The following SUZ12 variants were observed in gnomAD, a reference collection of about 807,000 sequenced individuals.
SUZ12 encodes polycomb protein SUZ12.
Under a neutral mutation model 87.3 loss-of-function variants are expected in SUZ12, and 17 were observed. That is an observed-to-expected ratio of 0.19 (90% CI 0.13 to 0.29). The LOEUF (loss-of-function observed/expected upper bound fraction) is 0.29. Among genes scored for constraint, SUZ12 ranks in the 10% least tolerant of loss-of-function variants. The pLI is 1.00. For missense variants in SUZ12, 526 were observed against 912.2 expected (o/e 0.58, Z 5.45); for synonymous variants, 253 against 312.4 (o/e 0.81, Z 2.01).
At chr17:31,972,148 C>T (rs1908470074) in intron 5 of SUZ12, among the ~76,000 whole-genome samples, 1 of 151,354 alleles carries the variant, frequency 6.6e-6, no homozygotes, top group South Asian at 2.1e-4. Flanking sequence ...AGCTGGGTGT[C>T]CTGGTGCGCA....
rs1004855571 is a variant in SUZ12 at position 31,976,573 on chromosome 17, A to G, written c.876A>G (p.Glu292=). ...ARRKRNREDG[E]KTFVAQMTVF... ...GAAAACGAAATCGTGAGGATGGGGA[A>G]AAGACATTTGTTGCACAAATGACAG... The change falls in exon 8 of 16, where the codon GAA becomes GAG. Residue 292 remains glutamate (E), a synonymous_variant. Coordinates refer to ENST00000322652, the MANE Select transcript of SUZ12 (RefSeq NM_015355.4). 4 of 1,613,314 alleles carry G rather than the reference A, an allele frequency of 2.5e-6. No homozygotes were observed. Among genetic ancestry groups the G allele is most frequent in the East Asian group, 4.5e-5 (2 of 44,828 alleles).
In SUZ12 at chr17:31,999,967, T is replaced by C. The variant is rs1207146237; in HGVS notation, c.*964T>C. ...TTTGTTTGCAAGGATGTCTTTGTAA[T>C]GTGTTTCATGAATAGAATATCCAAT... On this transcript the variant is annotated 3_prime_UTR_variant, in exon 16 of 16. Transcript: ENST00000322652. 9 of 232,702 alleles carry C rather than the reference T, an allele frequency of 3.9e-5. No homozygotes were observed. In the East Asian group the frequency reaches 4.9e-4, roughly 13 times the overall value. 14.4% of individuals were successfully genotyped at this position (232,702 alleles called of 1,614,324 possible).
At chr17:31,985,182 G>A (rs1169974465) in intron 9 of SUZ12, among the ~76,000 whole-genome samples, 1 of 142,638 alleles carries the variant, frequency 7.0e-6, no homozygotes. Flanking sequence ...AAAAAAAAAA[G>A]GTTGATACAG....
intron 4 of SUZ12, among the ~76,000 whole-genome samples, chr17:31,963,148 TATTA>T (rs1416912131): frequency 1.0e-3 from 157 of 151,096 alleles, no homozygotes; most frequent in African/African-American, 3.7e-3. Context: ...TACGATTATT[TATTA>T]TTATTATTTT....
intron 4 of SUZ12, among the ~76,000 whole-genome samples, chr17:31,955,035 G>A (rs1345405700): frequency 6.6e-6 from 1 of 152,150 alleles, no homozygotes; most frequent in Non-Finnish European, 1.5e-5. Context: ...CACCCACACG[G>A]GAGTGCAGTG....
At chr17:31,953,605 A>G (rs775704281) in intron 4 of SUZ12, among the ~76,000 whole-genome samples, 1 of 151,578 alleles carries the variant, frequency 6.6e-6, no homozygotes, top group Admixed American at 6.6e-5. Context: ...TCAGGGTCTC[A>G]TCATCTTGCC....
At chr17:31,996,512 G>A (rs189731412) in intron 14 of SUZ12, among the ~76,000 whole-genome samples, 15 of 152,192 alleles carry the variant, frequency 9.9e-5, no homozygotes, top group African/African-American at 3.6e-4. Flanking sequence ...CCAGCTACTC[G>A]GGAGGCTGAG....
intron 12 of SUZ12, 126 bp from the exon 13 acceptor site, chr17:31,994,438 C>G: frequency 1.2e-6 from 1 of 801,400 alleles, no homozygotes; most frequent in Non-Finnish European, 1.8e-6. Flanking sequence ...GCCTGTTTAC[C>G]ATGCTGGTGT....
chr17:31,985,932 A>T (rs183126617), intron 9 of SUZ12, among the ~76,000 whole-genome samples: 1 of 151,790 alleles, frequency 6.6e-6, no homozygotes, highest in Non-Finnish European at 1.5e-5. Context: ...AAGTACTGGG[A>T]TTACAGGCAT....
chr17:31,995,559 A>G lies in SUZ12; in HGVS notation c.1596-5A>G, dbSNP rs769630205. Reference sequence around the variant, plus strand: ...CATAAATCAACATTTATTTCTTTTCATTAGGCCAAAACGAACAAAAGCAAG... The same window carrying G: ...CATAAATCAACATTTATTTCTTTTCGTTAGGCCAAAACGAACAAAAGCAAG... On this transcript the variant is annotated splice_polypyrimidine_tract_variant and splice_region_variant and intron_variant, in intron 13 of 15. Transcript: ENST00000322652. 8 of 1,613,770 alleles carry G rather than the reference A, an allele frequency of 5.0e-6. No homozygotes were observed. In the South Asian group the frequency reaches 7.7e-5, roughly 16 times the overall value.
intron 5 of SUZ12, among the ~76,000 whole-genome samples, chr17:31,968,922 T>C (rs752436564): frequency 6.6e-6 from 1 of 152,198 alleles, no homozygotes; most frequent in Non-Finnish European, 1.5e-5. Flanking sequence ...CAACAATTGC[T>C]CAGATTTACT....
intron 8 of SUZ12, among the ~76,000 whole-genome samples, chr17:31,979,734 AAC>A (rs1170885764): frequency 6.6e-6 from 1 of 152,206 alleles, no homozygotes; most frequent in Non-Finnish European, 1.5e-5. Context: ...TCTCCATTGT[AAC>A]AGTACTTTTT....
chr17:31,995,450 G>A (rs1441633694), intron 13 of SUZ12, 114 bp from the exon 14 acceptor site: 8 of 771,240 alleles, frequency 1.0e-5, no homozygotes, highest in Non-Finnish European at 1.7e-5. Context: ...TTGTTTTATG[G>A]TTAGTTTTAT....
At chr17:31,966,022 C>T (rs1426608809) in intron 4 of SUZ12, 125 bp from the exon 5 acceptor site, 6 of 797,528 alleles carry the variant, frequency 7.5e-6, no homozygotes, top group South Asian at 5.9e-5. Context: ...GCCTGAATAA[C>T]AGTTGAGTAC....
At chr17:31,968,534 A>G (rs1384765566) in intron 5 of SUZ12, among the ~76,000 whole-genome samples, 2 of 152,124 alleles carry the variant, frequency 1.3e-5, no homozygotes, top group Non-Finnish European at 2.9e-5. Context: ...GACTGGCCCT[A>G]GTTAGGGTTT....
At chr17:31,940,561 A>T (rs554614148) in intron 3 of SUZ12, 75 bp downstream of exon 3, 21 of 1,072,184 alleles carry the variant, frequency 2.0e-5, no homozygotes, top group East Asian at 6.8e-5. Flanking sequence ...TCTCAAAATT[A>T]AAAAAAAAAA....
At chr17:31,950,592 G>A (rs1906908247) in intron 4 of SUZ12, among the ~76,000 whole-genome samples, 2 of 152,040 alleles carry the variant, frequency 1.3e-5, no homozygotes, top group Admixed American at 1.3e-4. Context: ...ACTGAGGCAG[G>A]AGAATCCCTT....
intron 9 of SUZ12, among the ~76,000 whole-genome samples, chr17:31,987,775 A>G (rs1356131469): frequency 1.3e-5 from 2 of 152,078 alleles, no homozygotes; most frequent in East Asian, 1.9e-4. Context: ...TACTAAAAAC[A>G]CACACACAAA....
At position 31,949,676 on chromosome 17, in the gene SUZ12, C is replaced by CT. The variant is rs71360790; in HGVS notation, c.455+2020dup. Among the ~76,000 whole-genome samples, 31 of 12,392 alleles carry CT rather than the reference C, an allele frequency of 2.5e-3. 5 individuals carry two copies. Among genetic ancestry groups the CT allele is most frequent in the Non-Finnish European group, 3.8e-3 (26 of 6,786 alleles). 8.1% of individuals were successfully genotyped at this position (12,392 alleles called of 152,430 possible). A position where few individuals can be genotyped will look rare whatever the true frequency, so the allele number is the denominator to read the frequency against. On this transcript the variant is annotated intron_variant, in intron 4 of 15. Transcript: ENST00000322652. Reference sequence around the variant, plus strand: ...CCACACCCAGCCCCCCCCCCCCCCCCTTTTTTTTTTTTTTTTTTTTTTTTT... The same window carrying CT: ...CCACACCCAGCCCCCCCCCCCCCCCCTTTTTTTTTTTTTTTTTTTTTTTTTT...
Sources: gnomAD v4.1 joint callset for allele counts (sites outside exome capture counted in the v4.1 genomes callset) on GRCh38, gnomAD v4.1.1 for gene constraint, MANE v1.5 for transcripts, NCBI Gene and HGNC (gene_info 2026-07-23, HGNC 2026-07-21) for gene names.